The following TRIM7 variants were observed in gnomAD, a reference collection of about 807,000 sequenced individuals.
The protein encoded by TRIM7 is tripartite motif containing 7, also known as E3 ubiquitin-protein ligase TRIM7.
A neutral mutation model predicts 37.9 loss-of-function variants in TRIM7; 32 were observed. That is an observed-to-expected ratio of 0.84 (90% CI 0.64 to 1.13). TRIM7 has a LOEUF of 1.13. Ranked by LOEUF, TRIM7 falls within the 50% of genes most tolerant of loss-of-function variation. The probability of loss-of-function intolerance (pLI) is 0.00; values close to 1 mark genes in which losing one functional copy is unlikely to be tolerated. For synonymous variants in TRIM7, 351 were observed against 321.3 expected (o/e 1.09, Z -0.99); for missense variants, 732 against 714.0 (o/e 1.03, Z -0.29).
In TRIM7 at chr5:181,195,180, G is replaced by A. The variant is rs201909164; in HGVS notation, c.1522C>T (p.Arg508Ter). 241 of 1,601,518 alleles carry A rather than the reference G, an allele frequency of 1.5e-4. No homozygotes were observed. Among genetic ancestry groups the A allele is most frequent in the Non-Finnish European group, 1.9e-4 (228 of 1,172,342 alleles). Residue 508 changes from arginine to a stop codon, truncating the protein, a stop_gained, in exon 7 of 7, where the codon CGA (arginine) becomes TGA (stop). Transcript: ENST00000274773. LOFTEE classifies it high-confidence loss of function. The part of the protein sequence containing the change: ...FSVCSTGTYL[R>*]IWP ...AGCAGTGCCCCTCAAGGCCAGATTC[G>A]CAAGTAGGTGCCCGTGGAGCAAACA...
In TRIM7 at chr5:181,205,126, A is replaced by C. The variant is rs924607205; in HGVS notation, c.-16T>G. 13 of 1,297,328 alleles carry C rather than the reference A, an allele frequency of 1.0e-5. No individual in the cohort carries two copies. Among genetic ancestry groups the C allele is most frequent in the African/African-American group, 1.5e-5 (1 of 64,712 alleles). 80.4% of individuals were successfully genotyped at this position (1,297,328 alleles called of 1,614,324 possible). A position where few individuals can be genotyped will look rare whatever the true frequency, so the allele number is the denominator to read the frequency against. Reference sequence around the variant, plus strand: ...CAGCCGCCATGCGCGCTCTCCGCGCACCCAGATCTGGTCGCGCCTGGGCGG... The same window carrying C: ...CAGCCGCCATGCGCGCTCTCCGCGCCCCCAGATCTGGTCGCGCCTGGGCGG... On this transcript the variant is annotated 5_prime_UTR_variant, in exon 1 of 7. Coordinates refer to ENST00000274773, the MANE Select transcript of TRIM7 (RefSeq NM_203293.3).
At chr5:181,203,427 C>T in intron 2 of TRIM7, 118 bp downstream of exon 2, 6 of 1,530,372 alleles carry the variant, frequency 3.9e-6, no homozygotes, top group Non-Finnish European at 5.3e-6. Flanking sequence ...TATTATCTTT[C>T]TGAAATCGAT....
chr5:181,204,577 G>A lies in TRIM7; in HGVS notation c.522+12C>T, dbSNP rs1757704371. The A allele has an allele frequency of 2.2e-6, 3 of 1,389,482 alleles. No homozygotes were observed. The highest frequency in any genetic ancestry group is 2.8e-6 in the Non-Finnish European group (3 of 1,078,190). 86.1% of individuals were successfully genotyped at this position (1,389,482 alleles called of 1,614,324 possible). On this transcript the variant is annotated intron_variant, in intron 1 of 6. Transcript: ENST00000274773. ...CCCGGGGACCCACGGGGTGGGTGGG[G>A]GCTGCGCTCACCTTGGCCTCCTGCA...
chr5:181,197,093 G>A (rs576286119), intron 6 of TRIM7: 1 of 151,956 alleles, frequency 6.6e-6, no homozygotes, highest in African/African-American at 2.4e-5. Context: ...CTTGCGGGGT[G>A]GAGGCTGCAG....
In TRIM7 at chr5:181,199,866, G is replaced by A; in HGVS notation, c.834C>T (p.Asp278=). 6.2e-7 allele frequency: 1 copy of A among 1,613,898 alleles called. No homozygotes were observed. The highest frequency in any genetic ancestry group is 1.1e-5 in the South Asian group (1 of 91,042). ...CCAGACTTACCTGGAGAAAGTCAAG[G>A]TCAGGCTTTTGAGCTGTCTCCTGGA... ...SQIQETAQKP[D]LDFLQEFKST... is the part of the protein sequence containing the mutation. Residue 278 remains aspartate, a synonymous_variant, in exon 3 of 7, where the codon GAC becomes GAT. Transcript: ENST00000274773.
At chr5:181,198,618 G>A (rs1757283820) in intron 5 of TRIM7, 72 bp downstream of exon 5, 1 of 1,041,840 alleles carries the variant, frequency 9.6e-7, no homozygotes, top group Non-Finnish European at 1.5e-6. Flanking sequence ...GCACACCCAG[G>A]GACCCCTGAG....
intron 5 of TRIM7, 129 bp from the exon 6 acceptor site, chr5:181,198,347 C>G (rs1401450292): frequency 1.0e-6 from 1 of 995,834 alleles, no homozygotes; most frequent in East Asian, 2.5e-5. Context: ...AGTGAACGTG[C>G]AGGCACAGGG....
chr5:181,204,097 CT>C, intron 1 of TRIM7: 6 of 998,804 alleles, frequency 6.0e-6, no homozygotes, highest in Non-Finnish European at 6.0e-6. Context: ...TCAGACGGCT[CT>C]AGGTGCGCGG....
At chr5:181,201,008 G>T in intron 2 of TRIM7, 1 of 741,466 alleles carries the variant, frequency 1.3e-6, no homozygotes, top group Non-Finnish European at 1.6e-6. Context: ...TTCCCTTCAA[G>T]TCTTACAGGT....
At position 181,199,885 on chromosome 5, in the gene TRIM7, T is replaced by G. The variant is rs376856007; in HGVS notation, c.815A>C (p.Glu272Ala). ...QLSKLSSQIQ[E>A]TAQKPDLDFL... ...GTCAAGGTCAGGCTTTTGAGCTGTCTCCTGGATCTGGCTGCTGAGCTTGGA... is the reference window on the plus strand; with the variant it reads ...GTCAAGGTCAGGCTTTTGAGCTGTCGCCTGGATCTGGCTGCTGAGCTTGGA... The change falls in exon 3 of 7, where the codon GAG becomes GCG. Residue 272 changes from glutamate to alanine, a missense_variant. Physicochemically the swap from Glu to Ala is moderately radical, Grantham distance 107. Transcript: ENST00000274773. The G allele has an allele frequency of 3.5e-5, 56 of 1,614,090 alleles. No individual in the cohort carries two copies. Among genetic ancestry groups the G allele is most frequent in the Non-Finnish European group, 4.2e-5 (50 of 1,180,050 alleles).
chr5:181,203,233 A>G (rs980770979), intron 2 of TRIM7: 2 of 1,172,304 alleles, frequency 1.7e-6, no homozygotes, highest in African/African-American at 3.2e-5. Flanking sequence ...GTTCCATTAC[A>G]AGATGCTTCC....
At chr5:181,203,393 G>A in intron 2 of TRIM7, 152 bp downstream of exon 2, 1 of 1,469,558 alleles carries the variant, frequency 6.8e-7, no homozygotes, top group Non-Finnish European at 9.0e-7. Context: ...ACAATTATGT[G>A]GACACCCTAT....
rs1226189129 is a variant in TRIM7, at chr5:181,204,872, T to C, written c.239A>G (p.Gln80Arg). The stretch of plus-strand genomic sequence containing the variant: ...ACTGGGGCGCGCGGGCTCGCGGCAC[T>C]GCGGACAGGGCAGTGGGAAGGGGGG... The part of the protein sequence containing the change: ...RAPPFPLPCP[Q>R]CREPARPSQL... Residue 80 changes from glutamine (Q) to arginine (R), a missense_variant, in exon 1 of 7, where the codon CAG becomes CGG. Transcript: ENST00000274773. The C allele has an allele frequency of 3.0e-6, 4 of 1,348,136 alleles. No individual in the cohort carries two copies. In the East Asian group the frequency reaches 9.3e-5, roughly 31 times the overall value. The allele number at this position is 1,348,136 out of a possible 1,614,324, so 83.5% of individuals were successfully genotyped here.
rs546254939 is a variant in TRIM7 at position 181,195,673 on chromosome 5, C to G, written c.1029G>C (p.Glu343Asp). The stretch of plus-strand genomic sequence containing the variant: ...TGGCCGTGTCGGGATCCAAGGTGAG[C>G]TCCACTGCAGACAGAGACAGGGAGA... ...RGELEKEEKV[E>D]LTLDPDTANP... Residue 343 changes from glutamate (E) to aspartate (D), a missense_variant, in exon 7 of 7, where the codon GAG (glutamate) becomes GAC (aspartate). Coordinates refer to ENST00000274773, the MANE Select transcript of TRIM7 (RefSeq NM_203293.3). The G allele has an allele frequency of 6.6e-7, 1 of 1,522,238 alleles. No individual in the cohort carries two copies. Among genetic ancestry groups the G allele is most frequent in the Admixed American group, 2.1e-5 (1 of 48,054 alleles). 94.3% of individuals were successfully genotyped at this position (1,522,238 alleles called of 1,614,324 possible). A position where few individuals can be genotyped will look rare whatever the true frequency, so the allele number is the denominator to read the frequency against.
rs1757010197 is a variant in TRIM7, at chr5:181,195,121, C to T, written c.*45G>A. On this transcript the variant is annotated 3_prime_UTR_variant, in exon 7 of 7. Coordinates refer to ENST00000274773, the MANE Select transcript of TRIM7 (RefSeq NM_203293.3). ...AGGCATCTCTGGGGAGGCGACATCC[C>T]CTCCCACCGGCAGCCCAGAGACAGG... The T allele has an allele frequency of 1.9e-6, 3 of 1,550,594 alleles. No homozygotes were observed. The highest frequency in any genetic ancestry group is 2.6e-6 in the Non-Finnish European group (3 of 1,145,620).
At chr5:181,199,773 G>C in intron 3 of TRIM7, 78 bp downstream of exon 3, 1 of 1,497,516 alleles carries the variant, frequency 6.7e-7, no homozygotes, top group East Asian at 2.4e-5. Context: ...AGACCCCCCA[G>C]GACTGACACT....
intron 1 of TRIM7, 126 bp from the exon 2 acceptor site, chr5:181,203,766 G>A (rs1757653474): frequency 6.8e-7 from 1 of 1,470,818 alleles, no homozygotes; most frequent in Non-Finnish European, 8.9e-7. Flanking sequence ...CCGGGTAGAA[G>A]TCATCTCTAC....
Position 181,200,028 on chromosome 5 carries a change from C to A in TRIM7, c.672G>T (p.Arg224Ser). Residue 224 changes from arginine (R) to serine (S), a missense_variant, in exon 3 of 7, where the codon AGG becomes AGT. Physicochemically the swap from Arg to Ser is moderately radical, Grantham distance 110. Coordinates refer to ENST00000274773, the MANE Select transcript of TRIM7 (RefSeq NM_203293.3). ...GACCCTCCTGCTCCACCAGGAAAGC[C>A]CTCAGTGCCTGGAACTCTGCCCCCA... ...EKVGAEFQAL[R>S]AFLVEQEGRL... The A allele has an allele frequency of 6.2e-7, 1 of 1,614,262 alleles. No homozygotes were observed. Among genetic ancestry groups the A allele is most frequent in the Middle Eastern group, 1.6e-4 (1 of 6,062 alleles).
rs1487308736 is a variant in TRIM7 at position 181,195,198 on chromosome 5, A to T, written c.1504T>A (p.Ser502Thr). 1 of 1,610,224 alleles carries T rather than the reference A, an allele frequency of 6.2e-7. No individual in the cohort carries two copies. Reference sequence around the variant, plus strand: ...CAGATTCGCAAGTAGGTGCCCGTGGAGCAAACAGAGAAAAGCGGGAACACG... The same window carrying T: ...CAGATTCGCAAGTAGGTGCCCGTGGTGCAAACAGAGAAAAGCGGGAACACG... Reference protein sequence around the residue: ...ERVFPLFSVCSTGTYLRIWP With the variant: ...ERVFPLFSVCTTGTYLRIWP Residue 502 changes from serine to threonine, a missense_variant, in exon 7 of 7, where the codon TCC (serine) becomes ACC (threonine). Physicochemically the swap from Ser to Thr is moderately conservative, Grantham distance 58. Transcript: ENST00000274773.
Sources: allele counts gnomAD v4.1 joint callset, GRCh38; gene constraint gnomAD v4.1.1; transcripts MANE v1.5; gene names NCBI Gene and HGNC (gene_info 2026-07-23, HGNC 2026-07-21).